UTRN: variants seen among roughly 807,000 people sequenced by gnomAD.
UTRN encodes the protein utrophin, also known as dystrophin-related protein 1.
Under a neutral mutation model 463.9 loss-of-function variants are expected in UTRN, and 283 were observed. That is an observed-to-expected ratio of 0.61 (90% CI 0.55 to 0.67). The LOEUF is 0.67. Ranked by LOEUF, UTRN falls within the 30% of genes least tolerant of loss-of-function variation. The probability of loss-of-function intolerance (pLI) is 0.00; values close to 1 mark genes in which losing one functional copy is unlikely to be tolerated. For missense variants in UTRN, 3,922 were observed against 4,084.3 expected, an observed-to-expected ratio of 0.96 and a Z score of 1.08; for synonymous variants, 1,442 against 1,431.5, an observed-to-expected ratio of 1.01 and a Z score of -0.17.
chr6:144,620,541 T>A (rs148242161), intron 51 of UTRN, among the ~76,000 whole-genome samples: 1 of 152,238 alleles, frequency 6.6e-6, no homozygotes, highest in Non-Finnish European at 1.5e-5. Flanking sequence ...TGCTGAGATG[T>A]ATGTAGTCAA....
intron 73 of UTRN, among the ~76,000 whole-genome samples, chr6:144,844,291 CAG>C (rs1397798591): frequency 6.7e-6 from 1 of 148,412 alleles, no homozygotes; most frequent in Non-Finnish European, 1.5e-5. Context: ...TTTTCTGAGA[CAG>C]AGACTCACTC....
chr6:144,517,661 A>G (rs1488315178), intron 39 of UTRN, among the ~76,000 whole-genome samples: 4 of 152,118 alleles, frequency 2.6e-5, no homozygotes, highest in African/African-American at 4.8e-5. Context: ...TACCTTTTCT[A>G]TGTTTAGATA....
chr6:144,430,260 C>T (rs1354538153), intron 9 of UTRN, among the ~76,000 whole-genome samples: 4 of 151,916 alleles, frequency 2.6e-5, no homozygotes, highest in Non-Finnish European at 5.9e-5. Context: ...GAAGGGATTA[C>T]GATGATTTCA....
intron 31 of UTRN, 36 bp from the exon 32 acceptor site, chr6:144,490,893 C>T (rs775620115): frequency 7.9e-6 from 12 of 1,526,834 alleles, no homozygotes; most frequent in Non-Finnish European, 1.1e-5. Flanking sequence ...GATAATCATC[C>T]TGATGGGAAT....
intron 55 of UTRN, among the ~76,000 whole-genome samples, chr6:144,749,057 A>C (rs1791084239): frequency 6.6e-6 from 1 of 152,144 alleles, no homozygotes; most frequent in Non-Finnish European, 1.5e-5. Context: ...ATTGTATCTT[A>C]TTGTATATTA....
rs766167920 is a variant in UTRN at position 144,490,968 on chromosome 6, C to G, written c.4303C>G (p.Gln1435Glu). ...REVSTKFQLF[Q>E]KPANFEQRML... ...GGTGTCCACAAAGTTCCAGCTTTTCCAGAAGCCAGCTAACTTCGAGCAGCG... is the reference window on the plus strand; with the variant it reads ...GGTGTCCACAAAGTTCCAGCTTTTCGAGAAGCCAGCTAACTTCGAGCAGCG... Residue 1435 changes from glutamine (Q) to glutamate (E), a missense_variant, in exon 32 of 75, where the codon CAG becomes GAG. This residue lies in a region of UTRN where 2,349 missense variants were observed against 2,303.8 expected (regional missense o/e 1.02). Coordinates refer to ENST00000367545, the MANE Select transcript of UTRN (RefSeq NM_007124.3). 1 of 1,609,224 alleles carries G rather than the reference C, an allele frequency of 6.2e-7. No homozygotes were observed. The highest frequency in any genetic ancestry group is 1.7e-5 in the Admixed American group (1 of 58,976).
chr6:144,551,161 A>ACT (rs1798877461), intron 48 of UTRN, 79 bp downstream of exon 48: 4 of 816,678 alleles, frequency 4.9e-6, no homozygotes, highest in Non-Finnish European at 7.4e-6. Context: ...ACACACACAC[A>ACT]CACACACAAA....
rs141882836 is a variant in UTRN, at chr6:144,491,868, G to A, written c.4437+766G>A. Reference sequence around the variant, plus strand: ...GTTCAGGGGTCTGTTACATGACAGCGTCCTATGAGATGTTGAGATGATGAT... The same window carrying A: ...GTTCAGGGGTCTGTTACATGACAGCATCCTATGAGATGTTGAGATGATGAT... On this transcript the variant is annotated intron_variant, in intron 32 of 74. Coordinates refer to ENST00000367545, the MANE Select transcript of UTRN (RefSeq NM_007124.3). Among the ~76,000 whole-genome samples, 532 of 152,198 alleles carry A rather than the reference G, an allele frequency of 3.5e-3. 3 individuals are homozygous for A. Among genetic ancestry groups the A allele is most frequent in the Non-Finnish European group, 5.7e-3 (389 of 68,012 alleles).
At chr6:144,529,903 A>G (rs1241329190) in intron 41 of UTRN, among the ~76,000 whole-genome samples, 1 of 152,214 alleles carries the variant, frequency 6.6e-6, no homozygotes, top group Non-Finnish European at 1.5e-5. Flanking sequence ...ATCCTGGTCC[A>G]ATAAAGCTTT....
intron 58 of UTRN, among the ~76,000 whole-genome samples, chr6:144,762,263 A>C (rs1287518436): frequency 2.6e-5 from 4 of 152,190 alleles, no homozygotes; most frequent in Non-Finnish European, 5.9e-5. Flanking sequence ...CCTGATCACT[A>C]TGCGGTGCTG....
At chr6:144,590,843 TACAC>T (rs10531216) in intron 51 of UTRN, among the ~76,000 whole-genome samples, 21,550 of 145,666 alleles carry the variant, frequency 0.15, 1,810 homozygotes, top group Admixed American at 0.24. Flanking sequence ...TCTCTCAATC[TACAC>T]ACACACACAC....
chr6:144,751,746 A>T, intron 55 of UTRN, 60 bp from the exon 56 acceptor site: 1 of 1,473,390 alleles, frequency 6.8e-7, no homozygotes, highest in Middle Eastern at 1.8e-4. Context: ...TTAAGGATCA[A>T]CTGTATTAGC....
intron 51 of UTRN, among the ~76,000 whole-genome samples, chr6:144,598,502 G>A (rs535496759): frequency 6.6e-6 from 1 of 152,250 alleles, no homozygotes; most frequent in South Asian, 2.1e-4. Context: ...ACATAAAAAC[G>A]TACCAGACTC....
chr6:144,779,916 A>T (rs1775669160), intron 60 of UTRN, among the ~76,000 whole-genome samples: 1 of 151,808 alleles, frequency 6.6e-6, no homozygotes, highest in African/African-American at 2.4e-5. Context: ...TTGGTTCGTT[A>T]TCCAGACTTG....
At chr6:144,542,916 G>A in intron 46 of UTRN, 46 bp downstream of exon 46, 1 of 1,532,914 alleles carries the variant, frequency 6.5e-7, no homozygotes, top group African/African-American at 1.4e-5. Flanking sequence ...AAATCAGTAT[G>A]TAAAATTTTG....
intron 7 of UTRN, among the ~76,000 whole-genome samples, chr6:144,428,204 A>G (rs1785467932): frequency 6.6e-6 from 1 of 152,200 alleles, no homozygotes; most frequent in Non-Finnish European, 1.5e-5. Context: ...CCTAGACAAT[A>G]TAGTAGTAGC....
At chr6:144,386,707 G>C (rs982689764) in intron 2 of UTRN, among the ~76,000 whole-genome samples, 1 of 152,004 alleles carries the variant, frequency 6.6e-6, no homozygotes, top group African/African-American at 2.4e-5. Context: ...TTTCTGACTT[G>C]TTTTTCCTGC....
At chr6:144,318,075 C>T (rs929998193) in intron 2 of UTRN, among the ~76,000 whole-genome samples, 1 of 151,572 alleles carries the variant, frequency 6.6e-6, no homozygotes, top group Non-Finnish European at 1.5e-5. Flanking sequence ...TTTTTTTTAA[C>T]ACCCTGTGAT....
chr6:144,395,401 GTT>G (rs397960296), intron 2 of UTRN, among the ~76,000 whole-genome samples: 10 of 127,758 alleles, frequency 7.8e-5, no homozygotes, highest in South Asian at 7.5e-4. Flanking sequence ...AAGATGTTGA[GTT>G]TTTTTTTTTT....
Sources: gnomAD v4.1 joint callset for allele counts (sites outside exome capture counted in the v4.1 genomes callset) on GRCh38, gnomAD v4.1.1 for gene constraint, gnomAD v4.1.1 regional missense constraint, MANE v1.5 for transcripts, NCBI Gene and HGNC (gene_info 2026-07-23, HGNC 2026-07-21) for gene names.